ROS1: variants seen among roughly 807,000 people sequenced by gnomAD.
ROS1 encodes proto-oncogene tyrosine-protein kinase ROS.
In ROS1, 263 loss-of-function variants were observed where a neutral mutation model predicts 273.5. The ratio of observed to expected loss-of-function variants is 0.96; its 90% confidence interval spans 0.87 to 1.06. ROS1 has a LOEUF of 1.06. Ranked by LOEUF, ROS1 falls within the 50% of genes least tolerant of loss-of-function variation. The probability of loss-of-function intolerance (pLI) is 0.00; values close to 1 mark genes in which losing one functional copy is unlikely to be tolerated. For missense variants in ROS1, 2,833 were observed against 2,751.1 expected (o/e 1.03, Z -0.67); for synonymous variants, 1,008 against 954.1 (o/e 1.06, Z -1.04).
chr6:117,317,152 C>G lies in ROS1; in HGVS notation c.6108G>C (p.Arg2036=). 6.2e-7 allele frequency: 1 copy of G among 1,612,780 alleles called. No homozygotes were observed. Among genetic ancestry groups the G allele is most frequent in the South Asian group, 1.1e-5 (1 of 90,840 alleles). ...GATCCCAACTGCCTACCGTTGCCAT[C>G]CGGGCTTTACGCAAATAAGTAAGAA... ...GDLLTYLRKA[R]MATFYGPLLT... is the part of the protein sequence containing the mutation. Residue 2036 remains arginine, a synonymous_variant, in exon 39 of 44, where the codon CGG becomes CGC. Transcript: ENST00000368507.
At position 117,329,426 on chromosome 6, in the gene ROS1, C is replaced by G. The variant is rs1007896648; in HGVS notation, c.5251G>C (p.Gly1751Arg). 2 of 1,591,848 alleles carry G rather than the reference C, an allele frequency of 1.3e-6. No individual in the cohort carries two copies. The highest frequency in any genetic ancestry group is 1.1e-5 in the South Asian group (1 of 89,616). Residue 1751 changes from glycine (G) to arginine (R), a missense_variant, in exon 33 of 44, where the codon GGC becomes CGC. By Grantham distance (125) the Gly-to-Arg change is moderately radical (BLOSUM62 -2). Coordinates refer to ENST00000368507, the MANE Select transcript of ROS1 (RefSeq NM_001378902.1). The part of the protein sequence containing the change: ...KTKAGVPNKP[G>R]IPKLLEGSKN... ...CTCCCTTCTAGTAATTTGGGAATGC[C>G]TGGTTTATTTGGGACTCCAGCTTTA... is the stretch of plus-strand genomic sequence containing the variant.
chr6:117,339,407 A>AT (rs1242163095), intron 31 of ROS1, among the ~76,000 whole-genome samples: 1 of 152,054 alleles, frequency 6.6e-6, no homozygotes, highest in African/African-American at 2.4e-5. Flanking sequence ...AAAGTTTATC[A>AT]TTTTCTTCCT....
At chr6:117,397,370 G>A (rs1005043690) in intron 7 of ROS1, among the ~76,000 whole-genome samples, 3 of 151,934 alleles carry the variant, frequency 2.0e-5, no homozygotes, top group Non-Finnish European at 2.9e-5. Flanking sequence ...TAGTGTATAC[G>A]AATACAATAA....
At chr6:117,345,517 G>A (rs1778303281) in intron 27 of ROS1, among the ~76,000 whole-genome samples, 1 of 152,168 alleles carries the variant, frequency 6.6e-6, no homozygotes, top group Admixed American at 6.5e-5. Context: ...TTCCACCAGA[G>A]CCCCAGGAGG....
At chr6:117,309,298 G>A (rs544001358) in intron 41 of ROS1, among the ~76,000 whole-genome samples, 1 of 152,110 alleles carries the variant, frequency 6.6e-6, no homozygotes, top group Admixed American at 6.6e-5. Flanking sequence ...ACACATACAT[G>A]CATATATACA....
In ROS1 at chr6:117,351,298, C is replaced by T. The variant is rs193241153; in HGVS notation, c.4303+1692G>A. Among the ~76,000 whole-genome samples, 20 of 152,220 alleles carry T rather than the reference C, an allele frequency of 1.3e-4. 1 individual carries two copies. The highest frequency in any genetic ancestry group is 1.3e-3 in the Admixed American group (20 of 15,278). Reference sequence around the variant, plus strand: ...GCTGGGGTTGGGCACTTCTCTTTACCCAGGTCAATTAAGCTCTGATAAAAC... The same window carrying T: ...GCTGGGGTTGGGCACTTCTCTTTACTCAGGTCAATTAAGCTCTGATAAAAC... On this transcript the variant is annotated intron_variant, in intron 27 of 43. Coordinates refer to ENST00000368507, the MANE Select transcript of ROS1 (RefSeq NM_001378902.1).
intron 18 of ROS1, among the ~76,000 whole-genome samples, chr6:117,367,724 C>T (rs1045668941): frequency 3.2e-4 from 49 of 152,222 alleles, no homozygotes; most frequent in African/African-American, 1.1e-3. Context: ...TTTAACCTCT[C>T]ATTGAACCAT....
intron 43 of ROS1, among the ~76,000 whole-genome samples, chr6:117,291,518 C>A (rs1257833871): frequency 6.6e-6 from 1 of 152,170 alleles, no homozygotes; most frequent in South Asian, 2.1e-4. Flanking sequence ...CATTTCCCTA[C>A]TACAGCCAGG....
chr6:117,340,780 G>C (rs960203316), intron 31 of ROS1, among the ~76,000 whole-genome samples: 1 of 151,796 alleles, frequency 6.6e-6, no homozygotes, highest in Non-Finnish European at 1.5e-5. Context: ...ACAAGGTTTT[G>C]GTTTTTTCTT....
chr6:117,339,649 T>C (rs1777766965), intron 31 of ROS1, among the ~76,000 whole-genome samples: 1 of 152,172 alleles, frequency 6.6e-6, no homozygotes, highest in Non-Finnish European at 1.5e-5. Context: ...TGGCCACTCA[T>C]GTACAAATGA....
chr6:117,327,809 A>T (rs1776753014), intron 33 of ROS1, among the ~76,000 whole-genome samples: 1 of 152,210 alleles, frequency 6.6e-6, no homozygotes, highest in South Asian at 2.1e-4. Flanking sequence ...GGTGGACCCT[A>T]ATCCAATGAC....
intron 43 of ROS1, among the ~76,000 whole-genome samples, chr6:117,294,024 ATACAT>A (rs1224823545): frequency 3.9e-5 from 6 of 151,974 alleles, no homozygotes; most frequent in Non-Finnish European, 8.8e-5. Flanking sequence ...AAGACACATG[ATACAT>A]TACATCAACA....
chr6:117,357,015 G>A (rs546803039), intron 25 of ROS1, 100 bp from the exon 26 acceptor site: 1 of 987,266 alleles, frequency 1.0e-6, no homozygotes, highest in Non-Finnish European at 1.5e-6. Context: ...GACTGTGAGG[G>A]ACAAATGGAG....
intron 11 of ROS1, among the ~76,000 whole-genome samples, chr6:117,393,796 T>G (rs1232888681): frequency 6.6e-6 from 1 of 152,188 alleles, no homozygotes; most frequent in Non-Finnish European, 1.5e-5. Context: ...AACTACTAAA[T>G]TTCCCTCTGG....
At chr6:117,294,641 A>C (rs771715375) in intron 43 of ROS1, among the ~76,000 whole-genome samples, 103 of 152,292 alleles carry the variant, frequency 6.8e-4, no homozygotes, top group Non-Finnish European at 1.4e-3. Flanking sequence ...ATGTACAAAA[A>C]TTCAGTGCAT....
chr6:117,350,657 G>T, intron 27 of ROS1, among the ~76,000 whole-genome samples: 3 of 138,736 alleles, frequency 2.2e-5, no homozygotes, highest in East Asian at 2.1e-4. Context: ...TTTCCCCACA[G>T]TTCTTGAATA....
At position 117,353,088 on chromosome 6, in the gene ROS1, TA is replaced by T. The variant is rs1245874136; in HGVS notation, c.4204del (p.Tyr1402IlefsTer14). ...GGCCCCATTTCCTTTCTTTGCCTGA[TA>T]AATCTGTGTGCTGTCCTTTGCTGTG... Reference protein sequence around the residue: ...IITAKDSTQIYQAKKGNGAIV... With the variant: ...IITAKDSTQIXQAKKGNGAIV... On this transcript the variant is annotated frameshift_variant, in exon 27 of 44. Transcript: ENST00000368507. LOFTEE classifies it high-confidence loss of function. 1.2e-6 allele frequency: 2 copies of T among 1,614,148 alleles called. No individual in the cohort carries two copies. The highest frequency in any genetic ancestry group is 1.7e-6 in the Non-Finnish European group (2 of 1,180,002).
intron 4 of ROS1, among the ~76,000 whole-genome samples, chr6:117,411,310 C>T (rs1374589606): frequency 6.7e-6 from 1 of 149,864 alleles, no homozygotes; most frequent in Non-Finnish European, 1.5e-5. Context: ...CTTCACCCCG[C>T]CCTGAACCAT....
intron 22 of ROS1, among the ~76,000 whole-genome samples, chr6:117,361,047 C>T (rs932738638): frequency 5.3e-4 from 81 of 152,012 alleles, no homozygotes; most frequent in African/African-American, 1.7e-3. Flanking sequence ...TTCACAACTA[C>T]TAAGAGTAGA....
Sources: allele counts gnomAD v4.1 joint callset (sites outside exome capture counted in the v4.1 genomes callset), GRCh38; gene constraint gnomAD v4.1.1; transcripts MANE v1.5; gene names NCBI Gene and HGNC (gene_info 2026-07-23, HGNC 2026-07-21).